WDR44: variants seen among roughly 807,000 people sequenced by gnomAD.
WDR44 encodes WD repeat-containing protein 44.
In WDR44, 9 loss-of-function variants were observed where a neutral mutation model predicts 65.7. The observed-to-expected ratio is 0.14, with a 90% CI of 0.08 to 0.24. The LOEUF (loss-of-function observed/expected upper bound fraction) is 0.24. Ranked by LOEUF, WDR44 falls within the 10% of genes least tolerant of loss-of-function variation. The pLI is 1.00. For missense variants in WDR44, 425 were observed against 670.9 expected (o/e 0.63, Z 4.05); for synonymous variants, 220 against 235.2 (o/e 0.94, Z 0.59).
At chrX:118,365,796 A>G (rs2802610) in intron 1 of WDR44, among the ~76,000 whole-genome samples, 29,507 of 111,285 alleles carry the variant, frequency 0.27, 3,164 homozygotes, top group African/African-American at 0.39. Flanking sequence ...CTGACTCTTA[A>G]TGAGTATCTT....
At chrX:118,386,280 C>T in intron 2 of WDR44, 1 of 294,099 alleles carries the variant, frequency 3.4e-6, no homozygotes, top group Non-Finnish European at 6.5e-6. Flanking sequence ...AATTGCTGTG[C>T]TTCTATAAAT....
chrX:118,393,044 C>G lies in WDR44; in HGVS notation c.599C>G (p.Thr200Ser), dbSNP rs1193668900. 1 of 1,211,980 alleles carries G rather than the reference C, an allele frequency of 8.3e-7. No individual in the cohort carries two copies. Among genetic ancestry groups the G allele is most frequent in the Non-Finnish European group, 1.1e-6 (1 of 895,567 alleles). Residue 200 changes from threonine (T) to serine (S), a missense_variant, in exon 4 of 20, where the codon ACT becomes AGT. By Grantham distance (58) the Thr-to-Ser change is moderately conservative. Transcript: ENST00000254029. ...LEPVSSDSLSTKDFAAVEEVA... is the reference protein window; with the variant it reads ...LEPVSSDSLSSKDFAAVEEVA... ...CCTGTGTCCTCAGACTCCTTATCTA[C>G]TAAAGATTTTGCCGCTGTGGAAGAA... is the stretch of plus-strand genomic sequence containing the variant.
intron 8 of WDR44, 44 bp downstream of exon 8, chrX:118,398,514 TA>T (rs774161388): frequency 2.9e-6 from 3 of 1,037,159 alleles, no homozygotes; most frequent in Admixed American, 2.4e-5. Flanking sequence ...AGTTTTTATT[TA>T]AAAAAATATG....
At chrX:118,360,155 A>G (rs957313374) in intron 1 of WDR44, among the ~76,000 whole-genome samples, 2 of 111,984 alleles carry the variant, frequency 1.8e-5, no homozygotes, top group South Asian at 7.4e-4. Context: ...CAAATTATTT[A>G]GGTTTGAAAG....
At chrX:118,422,520 G>A (rs187992850) in intron 12 of WDR44, among the ~76,000 whole-genome samples, 34 of 109,962 alleles carry the variant, frequency 3.1e-4, no homozygotes, top group Non-Finnish European at 1.9e-5. Context: ...GGTGAAACCC[G>A]GTCTCTACTA....
Position 118,404,430 on chromosome X carries a change from G to A in WDR44, c.1367G>A (p.Ser456Asn). 8.4e-7 allele frequency: 1 copy of A among 1,189,619 alleles called. No homozygotes were observed. Among genetic ancestry groups the A allele is most frequent in the Non-Finnish European group, 1.1e-6 (1 of 881,159 alleles). The change falls in exon 9 of 20, where the codon AGT becomes AAT. Residue 456 changes from serine (S) to asparagine (N), a missense_variant. Physicochemically the swap from Ser to Asn is conservative, Grantham distance 46. This residue lies in a region of WDR44 where 77 missense variants were observed against 183.5 expected (regional missense o/e 0.42). Transcript: ENST00000254029. ...YGERAINKVKSVRDEVFHTDQ... is the reference protein window; with the variant it reads ...YGERAINKVKNVRDEVFHTDQ... ...GAACGTGCTATAAATAAAGTTAAAAGTGTTAGAGATGAAGGTGAGTTAAAA... is the reference window on the plus strand; with the variant it reads ...GAACGTGCTATAAATAAAGTTAAAAATGTTAGAGATGAAGGTGAGTTAAAA...
chrX:118,426,275 A>G (rs1881973438), intron 12 of WDR44, among the ~76,000 whole-genome samples: 1 of 111,845 alleles, frequency 8.9e-6, no homozygotes, highest in South Asian at 3.7e-4. Flanking sequence ...ATAAACAAAA[A>G]TGGGAAGACT....
At chrX:118,434,460 G>T in intron 13 of WDR44, among the ~76,000 whole-genome samples, 1 of 111,549 alleles carries the variant, frequency 9.0e-6, no homozygotes, top group Non-Finnish European at 1.9e-5. Context: ...ATACAAAATG[G>T]GGCTTTTATT....
chrX:118,391,208 C>T (rs1291156449), intron 3 of WDR44, among the ~76,000 whole-genome samples: 1 of 111,649 alleles, frequency 9.0e-6, no homozygotes, highest in Non-Finnish European at 1.9e-5. Flanking sequence ...AAACTCAGAC[C>T]GTGCTAATGT....
At chrX:118,386,263 G>A in intron 2 of WDR44, 1 of 277,492 alleles carries the variant, frequency 3.6e-6, no homozygotes, top group South Asian at 4.3e-5. Flanking sequence ...ATCAAGAGTA[G>A]CATTCAAATT....
chrX:118,417,585 C>T (rs968260078), intron 12 of WDR44, among the ~76,000 whole-genome samples: 1 of 111,853 alleles, frequency 8.9e-6, no homozygotes, highest in Admixed American at 9.6e-5. Flanking sequence ...TTATACGTTA[C>T]CTGGTGCTTT....
chrX:118,357,256 A>T (rs1316023565), intron 1 of WDR44, among the ~76,000 whole-genome samples: 2 of 112,203 alleles, frequency 1.8e-5, no homozygotes, highest in Non-Finnish European at 3.8e-5. Flanking sequence ...AGTTTTTGTT[A>T]TTCATGATAT....
rs892897698 is a variant in WDR44, at chrX:118,447,894, A to T, written c.2648-999A>T. Among the ~76,000 whole-genome samples, 79 of 68,412 alleles carry T rather than the reference A, an allele frequency of 1.2e-3. 1 individual carries two copies. The highest frequency in any genetic ancestry group is 3.8e-3 in the African/African-American group (60 of 15,939). 59.4% of individuals were successfully genotyped at this position (68,412 alleles called of 115,157 possible). ...ATCTAAAATATATATATATATATAT[A>T]TATATATATATATATATATACTTGT... On this transcript the variant is annotated intron_variant, in intron 19 of 19. Coordinates refer to ENST00000254029, the MANE Select transcript of WDR44 (RefSeq NM_019045.5).
At chrX:118,373,053 C>A (rs2056628339) in intron 1 of WDR44, among the ~76,000 whole-genome samples, 1 of 110,800 alleles carries the variant, frequency 9.0e-6, no homozygotes, top group African/African-American at 3.3e-5. Context: ...CATGCCACTG[C>A]ACTCCAGCCT....
chrX:118,438,802 T>G (rs1268370768), intron 14 of WDR44, among the ~76,000 whole-genome samples: 4 of 96,134 alleles, frequency 4.2e-5, no homozygotes, highest in Non-Finnish European at 6.2e-5. Flanking sequence ...GCCATGTTTT[T>G]TTTTTTTTTT....
chrX:118,410,804 C>A, intron 11 of WDR44, 91 bp from the exon 12 acceptor site: 1 of 709,930 alleles, frequency 1.4e-6, no homozygotes, highest in Non-Finnish European at 2.1e-6. Flanking sequence ...AACTATTAGA[C>A]ATTGCTGTGT....
chrX:118,391,393 GA>G (rs2056819010), intron 3 of WDR44, among the ~76,000 whole-genome samples: 1 of 111,912 alleles, frequency 8.9e-6, no homozygotes, highest in South Asian at 3.7e-4. Flanking sequence ...TGAAGTTTGA[GA>G]AAAACTAACA....
intron 1 of WDR44, among the ~76,000 whole-genome samples, chrX:118,352,551 G>A (rs1003066826): frequency 9.6e-6 from 1 of 104,533 alleles, no homozygotes; most frequent in Non-Finnish European, 1.9e-5. Flanking sequence ...GTATAGTGGT[G>A]GTCTTAAACA....
intron 1 of WDR44, among the ~76,000 whole-genome samples, chrX:118,361,187 T>C (rs2056508176): frequency 8.9e-6 from 1 of 112,397 alleles, no homozygotes; most frequent in Admixed American, 9.5e-5. Context: ...TTTTGTACTT[T>C]AGGAGGTGGT....
Sources: allele counts gnomAD v4.1 joint callset (sites outside exome capture counted in the v4.1 genomes callset), GRCh38; gene constraint gnomAD v4.1.1; regional missense constraint gnomAD v4.1.1; transcripts MANE v1.5; gene names NCBI Gene and HGNC (gene_info 2026-07-23, HGNC 2026-07-21).